The following MYLK variants were observed in gnomAD, a reference collection of about 807,000 sequenced individuals.
MYLK encodes myosin light chain kinase.
Under a neutral mutation model 203.4 loss-of-function variants are expected in MYLK, and 106 were observed. The ratio of observed to expected loss-of-function variants is 0.52; its 90% confidence interval spans 0.45 to 0.61. The LOEUF is 0.61. Among genes scored for constraint, MYLK ranks in the 20% least tolerant of loss-of-function variants. MYLK has a pLI of 0.00. For synonymous variants in MYLK, 867 were observed against 959.5 expected (o/e 0.90, Z 1.78); for missense variants, 2,072 against 2,442.3 (o/e 0.85, Z 3.20).
chr3:123,721,218 T>A (rs2062075486), intron 13 of MYLK, among the ~76,000 whole-genome samples: 1 of 152,232 alleles, frequency 6.6e-6, no homozygotes, highest in Non-Finnish European at 1.5e-5. Context: ...CACGGAGATG[T>A]TCCTGACAGG....
At chr3:123,736,724 G>T (rs2062685704) in intron 8 of MYLK, among the ~76,000 whole-genome samples, 1 of 152,140 alleles carries the variant, frequency 6.6e-6, no homozygotes, top group Non-Finnish European at 1.5e-5. Context: ...TAAATTCTGG[G>T]CAGGTTAAAT....
intron 20 of MYLK, among the ~76,000 whole-genome samples, chr3:123,669,719 AAG>A (rs1241654655): frequency 1.3e-5 from 2 of 152,192 alleles, no homozygotes; most frequent in East Asian, 3.9e-4. Flanking sequence ...GAAATGGAAA[AAG>A]AGAGGGAGAG....
intron 20 of MYLK, among the ~76,000 whole-genome samples, chr3:123,678,732 A>T (rs932246539): frequency 6.6e-6 from 1 of 152,110 alleles, no homozygotes; most frequent in Non-Finnish European, 1.5e-5. Flanking sequence ...TAAGAAAAAA[A>T]GGCAAGTTGC....
rs182419973 is a variant in MYLK at position 123,630,139 on chromosome 3, A to G, written c.4962-513T>C. The stretch of plus-strand genomic sequence containing the variant: ...GCTCAGCAAGTGAAGTGTGTGCCCA[A>G]TGGATAGATGGACTTTGAATCAGCA... On this transcript the variant is annotated intron_variant, in intron 29 of 33. Transcript: ENST00000360304. 5.9e-5 allele frequency among the ~76,000 whole-genome samples: 9 copies of G among 152,226 alleles called. No homozygotes were observed. In the East Asian group the frequency reaches 1.2e-3, roughly 20 times the overall value.
At chr3:123,659,417 A>G (rs983065099) in intron 23 of MYLK, among the ~76,000 whole-genome samples, 2 of 152,222 alleles carry the variant, frequency 1.3e-5, no homozygotes, top group African/African-American at 4.8e-5. Context: ...GAACCTATAC[A>G]TGACATATGT....
chr3:123,651,959 G>A (rs948153002), intron 24 of MYLK, among the ~76,000 whole-genome samples: 2 of 152,200 alleles, frequency 1.3e-5, no homozygotes, highest in Admixed American at 6.5e-5. Flanking sequence ...TCAAGAGTCC[G>A]GACTAAGCAG....
intron 33 of MYLK, chr3:123,617,864 CT>C (rs2057596455): frequency 6.6e-6 from 1 of 152,300 alleles, no homozygotes; most frequent in Admixed American, 6.5e-5. Context: ...GCCATGACCC[CT>C]TAAGGTCCCT....
At chr3:123,619,677 CAGG>C (rs1011124823) in intron 32 of MYLK, among the ~76,000 whole-genome samples, 2 of 152,162 alleles carry the variant, frequency 1.3e-5, no homozygotes, top group African/African-American at 4.8e-5. Flanking sequence ...TATTAGTCTC[CAGG>C]AGGAGACCTG....
rs2057666332 is a variant in MYLK at position 123,618,771 on chromosome 3, C to G, written c.5369-1G>C. 1.2e-6 allele frequency: 2 copies of G among 1,614,076 alleles called. No individual in the cohort carries two copies. Among genetic ancestry groups the G allele is most frequent in the East Asian group, 4.5e-5 (2 of 44,874 alleles). ...TCAAGGAAAGCTTGGGACACATCTTCTAGAAGACAGAGAAGAAGACCAGGT... is the reference window on the plus strand; with the variant it reads ...TCAAGGAAAGCTTGGGACACATCTTGTAGAAGACAGAGAAGAAGACCAGGT... On this transcript the variant is annotated splice_acceptor_variant, in intron 32 of 33. Transcript: ENST00000360304. LOFTEE classifies it high-confidence loss of function.
At chr3:123,644,524 A>G (rs1401117004) in intron 27 of MYLK, 1 of 152,198 alleles carries the variant, frequency 6.6e-6, no homozygotes, top group Non-Finnish European at 1.5e-5. Context: ...CCCAATTCCA[A>G]GCTAAGTATG....
At chr3:123,778,001 T>A (rs927131500) in intron 4 of MYLK, among the ~76,000 whole-genome samples, 1 of 152,176 alleles carries the variant, frequency 6.6e-6, no homozygotes, top group Admixed American at 6.5e-5. Context: ...TATTTCTGTA[T>A]GCTATTCTTA....
Position 123,884,300 on chromosome 3 carries a change from GC to G in MYLK, c.-281del, listed in dbSNP as rs2033722723. The G allele has an allele frequency of 6.8e-6, 1 of 146,638 alleles. No homozygotes were observed. Among genetic ancestry groups the G allele is most frequent in the Non-Finnish European group, 1.5e-5 (1 of 66,036 alleles). The allele number at this position is 146,638 out of a possible 1,614,324, so 9.1% of individuals were successfully genotyped here. On this transcript the variant is annotated 5_prime_UTR_variant, in exon 1 of 34. Transcript: ENST00000360304. ...AGCGCGGGCTCCGAGCTCGCTCAGC[GC>G]CCTGCTGCCGACCGGGCGGCGCGGG...
At chr3:123,835,194 C>T (rs952839876) in intron 2 of MYLK, among the ~76,000 whole-genome samples, 5 of 152,332 alleles carry the variant, frequency 3.3e-5, no homozygotes, top group Admixed American at 1.3e-4. Flanking sequence ...CCCAGACCTG[C>T]TGAATCAGAA....
intron 2 of MYLK, among the ~76,000 whole-genome samples, chr3:123,853,498 G>T (rs904161063): frequency 6.6e-6 from 1 of 152,144 alleles, no homozygotes; most frequent in African/African-American, 2.4e-5. Flanking sequence ...GGGGAATTTT[G>T]ATTTGTTACA....
intron 4 of MYLK, among the ~76,000 whole-genome samples, chr3:123,788,254 C>T (rs756649697): frequency 2.4e-4 from 36 of 152,256 alleles, no homozygotes; most frequent in Admixed American, 7.8e-4. Flanking sequence ...ATTCAAGCAC[C>T]TAATTATACA....
chr3:123,695,755 T>C (rs924296604), intron 18 of MYLK, among the ~76,000 whole-genome samples: 7 of 152,282 alleles, frequency 4.6e-5, no homozygotes, highest in African/African-American at 1.7e-4. Flanking sequence ...GCAACAAAAA[T>C]GAATCCTCAT....
At chr3:123,761,800 T>A (rs1159265682) in intron 4 of MYLK, among the ~76,000 whole-genome samples, 1 of 152,102 alleles carries the variant, frequency 6.6e-6, no homozygotes, top group East Asian at 1.9e-4. Context: ...CCGAGGCAGG[T>A]GGATCGCCTG....
At chr3:123,635,844 T>TATCA (rs1194474607) in intron 29 of MYLK, among the ~76,000 whole-genome samples, 15 of 152,184 alleles carry the variant, frequency 9.9e-5, no homozygotes, top group African/African-American at 2.7e-4. Context: ...CTCAAAAGCC[T>TATCA]ATCAAAGCAG....
intron 3 of MYLK, among the ~76,000 whole-genome samples, chr3:123,801,278 G>C (rs1469015046): frequency 6.6e-6 from 1 of 152,144 alleles, no homozygotes; most frequent in African/African-American, 2.4e-5. Context: ...GGGACATCCA[G>C]GGCACATTTT....
Sources: gnomAD v4.1 joint callset for allele counts (sites outside exome capture counted in the v4.1 genomes callset) on GRCh38, gnomAD v4.1.1 for gene constraint, MANE v1.5 for transcripts, NCBI Gene and HGNC (gene_info 2026-07-23, HGNC 2026-07-21) for gene names.